Variants in LINGO2 observed in about 807,000 individuals in gnomAD.
LINGO2 encodes the protein leucine-rich repeat and immunoglobulin-like domain-containing nogo receptor-interacting protein 2.
Under a neutral mutation model 30.6 loss-of-function variants are expected in LINGO2, and 14 were observed. The observed-to-expected ratio is 0.46, with a 90% CI of 0.30 to 0.72. The LOEUF (loss-of-function observed/expected upper bound fraction) is 0.72. Among genes scored for constraint, LINGO2 ranks in the 30% least tolerant of loss-of-function variants. LINGO2 has a pLI of 0.07. For missense variants in LINGO2, 729 were observed against 751.7 expected, an observed-to-expected ratio of 0.97 and a Z score of 0.35; for synonymous variants, 317 against 288.5, an observed-to-expected ratio of 1.10 and a Z score of -1.00.
chr9:28,174,914 G>C (rs1828702563), intron 4 of LINGO2, among the ~76,000 whole-genome samples: 1 of 140,372 alleles, frequency 7.1e-6, no homozygotes, highest in African/African-American at 2.7e-5. Flanking sequence ...GTGTGTGTGT[G>C]TGTGTGTGAG....
At chr9:29,038,574 T>C in the LINGO2 span, among the ~76,000 whole-genome samples, 3 of 149,108 alleles carry the variant, frequency 2.0e-5, no homozygotes, top group African/African-American at 7.4e-5. Flanking sequence ...ATAAAATGTA[T>C]ACCCTGATAG....
intron 3 of LINGO2, among the ~76,000 whole-genome samples, chr9:28,335,561 T>G (rs1393527096): frequency 6.6e-6 from 1 of 152,176 alleles, no homozygotes; most frequent in African/African-American, 2.4e-5. Context: ...CTCTGGGGTT[T>G]CCTTAACAAG....
chr9:28,285,256 T>C (rs1455181993), intron 4 of LINGO2, among the ~76,000 whole-genome samples: 3 of 152,174 alleles, frequency 2.0e-5, no homozygotes, highest in South Asian at 4.1e-4. Flanking sequence ...CAGTAACTTA[T>C]ATATAATGTA....
At chr9:29,076,575 A>G in the LINGO2 span, among the ~76,000 whole-genome samples, 1 of 146,820 alleles carries the variant, frequency 6.8e-6, no homozygotes, top group Non-Finnish European at 1.5e-5. Flanking sequence ...AAATGAAAGC[A>G]TATTACATAT....
At chr9:28,206,278 A>G (rs2133839867) in intron 4 of LINGO2, among the ~76,000 whole-genome samples, 1 of 152,082 alleles carries the variant, frequency 6.6e-6, no homozygotes, top group Admixed American at 6.5e-5. Context: ...AAAAGAAATT[A>G]TCCTGGAAAG....
At chr9:28,194,074 G>A (rs927878776) in intron 4 of LINGO2, among the ~76,000 whole-genome samples, 1 of 152,162 alleles carries the variant, frequency 6.6e-6, no homozygotes, top group African/African-American at 2.4e-5. Context: ...TGCCAGTCCA[G>A]TTTCAAAGGG....
the LINGO2 span, among the ~76,000 whole-genome samples, chr9:28,726,394 T>C: frequency 6.6e-6 from 1 of 152,120 alleles, no homozygotes; most frequent in Non-Finnish European, 1.5e-5. Context: ...CTGACCACAA[T>C]GGGATAAATC....
chr9:28,685,679 A>G, the LINGO2 span, among the ~76,000 whole-genome samples: 1 of 152,154 alleles, frequency 6.6e-6, no homozygotes, highest in East Asian at 1.9e-4. Flanking sequence ...AGTTCTCCCT[A>G]AAACTCCTTA....
the LINGO2 span, among the ~76,000 whole-genome samples, chr9:29,075,424 C>T: frequency 6.6e-6 from 1 of 152,092 alleles, no homozygotes; most frequent in Non-Finnish European, 1.5e-5. Flanking sequence ...TGGAGGAGTG[C>T]ATTTTGAAAT....
rs575462744 is a variant in LINGO2, at chr9:28,139,006, A to G, written c.-86-126601T>C. Among the ~76,000 whole-genome samples, 15 of 152,326 alleles carry G rather than the reference A, an allele frequency of 9.8e-5. No homozygotes were observed. In the South Asian group the frequency reaches 2.9e-3, roughly 29 times the overall value. ...TCTCCCTCCACTATCAGTAAGTCTCAAAAAGGCCTGGCTTCTAGGAGGCAG... is the reference window on the plus strand; with the variant it reads ...TCTCCCTCCACTATCAGTAAGTCTCGAAAAGGCCTGGCTTCTAGGAGGCAG... On this transcript the variant is annotated intron_variant, in intron 4 of 5. Transcript: ENST00000379992.
chr9:28,677,419 T>C, the LINGO2 span, among the ~76,000 whole-genome samples: 413 of 152,322 alleles, frequency 2.7e-3, 3 homozygotes, highest in African/African-American at 9.5e-3. Context: ...CTTTATCTCA[T>C]ACTCACAATA....
the LINGO2 span, among the ~76,000 whole-genome samples, chr9:28,883,628 GTATATA>G: frequency 0.05 from 3,225 of 64,096 alleles, 235 homozygotes; most frequent in African/African-American, 0.093. Flanking sequence ...ATGTGTGTGT[GTATATA>G]TATATATATA....
chr9:28,803,217 G>C, the LINGO2 span, among the ~76,000 whole-genome samples: 1 of 151,916 alleles, frequency 6.6e-6, no homozygotes, highest in South Asian at 2.1e-4. Context: ...CAGATTAAGT[G>C]GATTACAAAC....
chr9:28,303,296 G>T (rs746257427), intron 3 of LINGO2, among the ~76,000 whole-genome samples: 24 of 152,156 alleles, frequency 1.6e-4, no homozygotes, highest in Non-Finnish European at 2.9e-4. Context: ...TTATTAGGAA[G>T]TTGTTGCTGA....
the LINGO2 span, among the ~76,000 whole-genome samples, chr9:29,136,733 T>C: frequency 7.9e-5 from 12 of 152,106 alleles, no homozygotes; most frequent in African/African-American, 2.2e-4. Flanking sequence ...TAGTCTTACA[T>C]ACTAATGCAT....
At chr9:27,947,461 A>G (rs368230370), downstream of LINGO2, among the ~76,000 whole-genome samples, 22 of 152,200 alleles carry the variant, frequency 1.4e-4, no homozygotes, top group African/African-American at 5.3e-4. Context: ...AAAAAACACT[A>G]AATGGTTTTT....
chr9:28,403,800 A>G (rs1435812770), intron 2 of LINGO2, among the ~76,000 whole-genome samples: 1 of 152,020 alleles, frequency 6.6e-6, no homozygotes, highest in African/African-American at 2.4e-5. Context: ...CCTGTTGGAG[A>G]TCAGGGACTG....
intron 4 of LINGO2, among the ~76,000 whole-genome samples, chr9:28,187,049 A>G (rs1281692873): frequency 2.6e-5 from 4 of 152,212 alleles, no homozygotes; most frequent in Admixed American, 1.3e-4. Context: ...GATGGTAGAC[A>G]CAGGCAGACC....
intron 4 of LINGO2, among the ~76,000 whole-genome samples, chr9:28,059,517 A>G (rs1351988642): frequency 4.6e-5 from 7 of 152,054 alleles, no homozygotes; most frequent in African/African-American, 1.4e-4. Context: ...AAAAGGTTAC[A>G]CTCAGGGAAT....
Sources: gnomAD v4.1 joint callset for allele counts (sites outside exome capture counted in the v4.1 genomes callset) on GRCh38, gnomAD v4.1.1 for gene constraint, MANE v1.5 for transcripts, NCBI Gene and HGNC (gene_info 2026-07-23, HGNC 2026-07-21) for gene names.